KIF13B: variants seen among roughly 807,000 people sequenced by gnomAD.
KIF13B encodes the protein kinesin-like protein KIF13B.
KIF13B carries 127 observed loss-of-function variants against 222.0 expected under a neutral mutation model. That is an observed-to-expected ratio of 0.57 (90% CI 0.50 to 0.66). The LOEUF (loss-of-function observed/expected upper bound fraction) is 0.66. Among genes scored for constraint, KIF13B ranks in the 30% least tolerant of loss-of-function variants. KIF13B has a pLI of 0.00. For synonymous variants in KIF13B, 976 were observed against 919.0 expected (o/e 1.06, Z -1.12); for missense variants, 2,173 against 2,379.0 (o/e 0.91, Z 1.80).
chr8:29,236,243 T>C (rs1815502186), intron 2 of KIF13B, among the ~76,000 whole-genome samples: 1 of 152,336 alleles, frequency 6.6e-6, no homozygotes, highest in South Asian at 2.1e-4. Flanking sequence ...TGATAAATGG[T>C]ATTGAGGTTA....
At chr8:29,141,193 G>A (rs944786194) in intron 19 of KIF13B, among the ~76,000 whole-genome samples, 6 of 152,144 alleles carry the variant, frequency 3.9e-5, no homozygotes, top group Non-Finnish European at 8.8e-5. Flanking sequence ...AATTAGCCAG[G>A]TGTGGTGGTG....
In KIF13B at chr8:29,106,632, C is replaced by CAAA. The variant is rs71222590; in HGVS notation, c.4215+1504_4215+1506dup. Among the ~76,000 whole-genome samples, 40 of 56,464 alleles carry CAAA rather than the reference C, an allele frequency of 7.1e-4. 3 individuals carry two copies. Among genetic ancestry groups the CAAA allele is most frequent in the Middle Eastern group, 0.01 (1 of 100 alleles). 37.0% of individuals were successfully genotyped at this position (56,464 alleles called of 152,430 possible). ...GGGCAACAAGAGCGAAACTCTGTCT[C>CAAA]AAAAAAAAAAAAAAAAAAAAAAAAA... On this transcript the variant is annotated intron_variant, in intron 35 of 39. Transcript: ENST00000524189.
chr8:29,175,186 T>C (rs535738268), intron 10 of KIF13B, among the ~76,000 whole-genome samples: 75 of 152,306 alleles, frequency 4.9e-4, no homozygotes, highest in African/African-American at 1.8e-3. Flanking sequence ...TGGGTTAAAT[T>C]GTCACTGCAA....
chr8:29,095,983 TTTG>T (rs1808506722), intron 36 of KIF13B, among the ~76,000 whole-genome samples: 7 of 150,142 alleles, frequency 4.7e-5, no homozygotes, highest in South Asian at 2.1e-4. Flanking sequence ...TTGTTTGTTT[TTTG>T]TTTTTTTTTT....
chr8:29,160,739 A>G lies in KIF13B; in HGVS notation c.1398T>C (p.Tyr466=), dbSNP rs1328748757. 6.2e-7 allele frequency: 1 copy of G among 1,612,982 alleles called. No homozygotes were observed. Among genetic ancestry groups the G allele is most frequent in the African/African-American group, 1.3e-5 (1 of 74,902 alleles). The change falls in exon 13 of 40, where the codon TAT becomes TAC. Residue 466 remains tyrosine (Y), a synonymous_variant. Transcript: ENST00000524189. ...DPALNELLVY[Y]LKEHTLIGSA... is the part of the protein sequence containing the mutation. ...GCAAAGCACATTACTTCACCTTTAA[A>G]TAGTACACCAGAAGCTCATTCAGAG...
intron 2 of KIF13B, among the ~76,000 whole-genome samples, chr8:29,204,928 G>C (rs1288195906): frequency 6.6e-6 from 1 of 152,152 alleles, no homozygotes; most frequent in Non-Finnish European, 1.5e-5. Context: ...TGATTAGATT[G>C]ATCTGGGGAA....
At position 29,071,888 on chromosome 8, in the gene KIF13B, C is replaced by T. The variant is rs1807300664; in HGVS notation, c.4950G>A (p.Arg1650=). 1 of 1,488,958 alleles carries T rather than the reference C, an allele frequency of 6.7e-7. No homozygotes were observed. The highest frequency in any genetic ancestry group is 1.3e-5 in the South Asian group (1 of 77,250). 92.2% of individuals were successfully genotyped at this position (1,488,958 alleles called of 1,614,324 possible). The change falls in exon 39 of 40, where the codon AGG becomes AGA. Residue 1650 remains arginine, a synonymous_variant. Transcript: ENST00000524189. The surrounding 1 kb of genome is among the most constrained non-coding windows in gnomAD (Gnocchi z 4.9). ...AGGAGCGCAACTCCGAGGCCCGCAC[C>T]CTCCGGACGCGGAACGGGGAGCCGG... ...PAPGSPFRVR[R]VRASELRSFS... is the part of the protein sequence containing the mutation.
chr8:29,242,150 G>A (rs189094502), intron 2 of KIF13B, among the ~76,000 whole-genome samples: 1 of 152,236 alleles, frequency 6.6e-6, no homozygotes, highest in Admixed American at 6.5e-5. Context: ...GTAGAGGAGA[G>A]AAAGAAGCAA....
intron 18 of KIF13B, among the ~76,000 whole-genome samples, chr8:29,143,847 A>C (rs1483935198): frequency 6.6e-6 from 1 of 151,978 alleles, no homozygotes; most frequent in African/African-American, 2.4e-5. Context: ...TGTCTCAAAA[A>C]AAATAATAAT....
At chr8:29,201,980 A>G (rs1328368159) in intron 2 of KIF13B, among the ~76,000 whole-genome samples, 1 of 152,260 alleles carries the variant, frequency 6.6e-6, no homozygotes, top group Non-Finnish European at 1.5e-5. Flanking sequence ...ACTCTCTGTA[A>G]GAAGTACAAA....
At chr8:29,160,340 T>C (rs1811720233) in intron 13 of KIF13B, among the ~76,000 whole-genome samples, 2 of 152,248 alleles carry the variant, frequency 1.3e-5, no homozygotes, top group Admixed American at 1.3e-4. Context: ...ACTTTATTTA[T>C]ACATTTTTTT....
chr8:29,254,925 G>A (rs1250893520), intron 1 of KIF13B, among the ~76,000 whole-genome samples: 1 of 152,170 alleles, frequency 6.6e-6, no homozygotes, highest in Non-Finnish European at 1.5e-5. Context: ...ACAAAACACA[G>A]CATATCTGTG....
intron 12 of KIF13B, among the ~76,000 whole-genome samples, chr8:29,163,075 C>T (rs1487884017): frequency 1.3e-5 from 2 of 152,142 alleles, no homozygotes; most frequent in Non-Finnish European, 2.9e-5. Context: ...TTTGATTTCA[C>T]TTAAGTGTGT....
chr8:29,106,145 A>T (rs1005220571), intron 35 of KIF13B, among the ~76,000 whole-genome samples: 2 of 152,222 alleles, frequency 1.3e-5, no homozygotes, highest in African/African-American at 4.8e-5. Context: ...TCAGGTAATC[A>T]CAACTGATGC....
intron 2 of KIF13B, among the ~76,000 whole-genome samples, chr8:29,207,377 C>G (rs1030398142): frequency 4.6e-5 from 7 of 152,170 alleles, no homozygotes; most frequent in Non-Finnish European, 7.3e-5. Flanking sequence ...CTTGGGTCTT[C>G]TTTTCTAAGG....
At chr8:29,246,071 T>C (rs1816006616) in intron 1 of KIF13B, among the ~76,000 whole-genome samples, 1 of 152,168 alleles carries the variant, frequency 6.6e-6, no homozygotes, top group Admixed American at 6.5e-5. Flanking sequence ...TCATTACACA[T>C]TGTATACATG....
intron 10 of KIF13B, among the ~76,000 whole-genome samples, chr8:29,175,128 AG>A (rs1812421906): frequency 6.6e-6 from 1 of 151,158 alleles, no homozygotes; most frequent in African/African-American, 2.5e-5. Flanking sequence ...TTTTAAAAAT[AG>A]AAAAAAAAGA....
chr8:29,127,890 ATTAT>A (rs1810185693), intron 24 of KIF13B, among the ~76,000 whole-genome samples: 1 of 152,040 alleles, frequency 6.6e-6, no homozygotes, highest in Admixed American at 6.5e-5. Flanking sequence ...CAATAACTTT[ATTAT>A]TTGTTTTATA....
chr8:29,142,140 T>A lies in KIF13B; in HGVS notation c.2334+17A>T, dbSNP rs765257864. ...TCCATAATTACCAATTAAGTGATTTTCTCTTAAATAACTTACTGGGTTATC... is the reference window on the plus strand; with the variant it reads ...TCCATAATTACCAATTAAGTGATTTACTCTTAAATAACTTACTGGGTTATC... On this transcript the variant is annotated intron_variant, in intron 19 of 39. Coordinates refer to ENST00000524189, the MANE Select transcript of KIF13B (RefSeq NM_015254.4). 3.1e-6 allele frequency: 5 copies of A among 1,604,364 alleles called. No individual in the cohort carries two copies. The highest frequency in any genetic ancestry group is 1.3e-5 in the African/African-American group (1 of 74,844).
Sources: allele counts gnomAD v4.1 joint callset (sites outside exome capture counted in the v4.1 genomes callset), GRCh38; gene constraint gnomAD v4.1.1; non-coding constraint Gnocchi (gnomAD v3.1); transcripts MANE v1.5; gene names NCBI Gene and HGNC (gene_info 2026-07-23, HGNC 2026-07-21).